The following ERBB4 variants were observed in gnomAD, a reference collection of about 807,000 sequenced individuals.
ERBB4 encodes the protein receptor tyrosine-protein kinase erbB-4.
ERBB4 carries 42 observed loss-of-function variants against 158.0 expected under a neutral mutation model. The observed-to-expected ratio is 0.27, with a 90% CI of 0.21 to 0.34. ERBB4 has a LOEUF of 0.34. Among genes scored for constraint, ERBB4 ranks in the 10% least tolerant of loss-of-function variants. ERBB4 has a pLI of 1.00. For missense variants in ERBB4, 1,333 were observed against 1,624.1 expected (o/e 0.82, Z 3.08); for synonymous variants, 583 against 558.7 (o/e 1.04, Z -0.61).
chr2:211,421,914 G>T, intron 24 of ERBB4, 93 bp downstream of exon 24: 1 of 799,614 alleles, frequency 1.3e-6, no homozygotes, highest in Non-Finnish European at 2.2e-6. Flanking sequence ...CATGTTTGTG[G>T]TCCTTTCCAC....
In ERBB4 at chr2:212,105,971, C is replaced by T. The variant is rs139737091; in HGVS notation, c.234+18781G>A. Among the ~76,000 whole-genome samples, 1,068 of 152,318 alleles carry T rather than the reference C, an allele frequency of 7.0e-3. 6 individuals are homozygous for T. The highest frequency in any genetic ancestry group is 0.027 in the Middle Eastern group (8 of 294). On this transcript the variant is annotated intron_variant, in intron 2 of 27. Coordinates refer to ENST00000342788, the MANE Select transcript of ERBB4 (RefSeq NM_005235.3). The stretch of plus-strand genomic sequence containing the variant: ...TTTGCTTTCCAACATGATTGTAAAG[C>T]CTCCCCAGCCACATGGAACTGTGAG...
chr2:212,387,328 A>G (rs2090708788), intron 1 of ERBB4, among the ~76,000 whole-genome samples: 1 of 152,202 alleles, frequency 6.6e-6, no homozygotes. Context: ...AAAAAGCAAG[A>G]ATGCATACAG....
intron 2 of ERBB4, among the ~76,000 whole-genome samples, chr2:212,011,385 A>T (rs1051482139): frequency 6.6e-6 from 1 of 152,120 alleles, no homozygotes; most frequent in Non-Finnish European, 1.5e-5. Flanking sequence ...GACAGTGCAG[A>T]TATAGAACAT....
At chr2:212,229,446 T>G (rs1214720850) in intron 1 of ERBB4, among the ~76,000 whole-genome samples, 1 of 152,172 alleles carries the variant, frequency 6.6e-6, no homozygotes, top group Admixed American at 6.6e-5. Flanking sequence ...CCATAGCCTG[T>G]TCCATTTGAA....
chr2:211,928,598 C>G (rs1395012437), intron 3 of ERBB4, among the ~76,000 whole-genome samples: 4 of 152,152 alleles, frequency 2.6e-5, no homozygotes, highest in Non-Finnish European at 4.4e-5. Context: ...ATCGGGCCTT[C>G]AAGATACATT....
intron 2 of ERBB4, among the ~76,000 whole-genome samples, chr2:212,115,616 C>A (rs2079549071): frequency 6.6e-6 from 1 of 152,064 alleles, no homozygotes; most frequent in South Asian, 2.1e-4. Flanking sequence ...CAAAGTATAT[C>A]AAAGAATCAT....
At chr2:212,278,896 C>T (rs539705355) in intron 1 of ERBB4, among the ~76,000 whole-genome samples, 25 of 151,698 alleles carry the variant, frequency 1.6e-4, no homozygotes, top group African/African-American at 5.5e-4. Context: ...ATTTGATTAG[C>T]TCTATTTTGG....
At chr2:212,303,825 T>C (rs1559968890) in intron 1 of ERBB4, among the ~76,000 whole-genome samples, 1 of 151,506 alleles carries the variant, frequency 6.6e-6, no homozygotes, top group South Asian at 2.1e-4. Context: ...TAGCTGATCT[T>C]ATAAATATTT....
intron 1 of ERBB4, among the ~76,000 whole-genome samples, chr2:212,382,584 T>A (rs531562395): frequency 3.0e-4 from 46 of 151,092 alleles, no homozygotes; most frequent in African/African-American, 1.1e-3. Flanking sequence ...AATTTCTGAA[T>A]CTTTCCTCAG....
intron 19 of ERBB4, among the ~76,000 whole-genome samples, chr2:211,566,003 C>G (rs1228959917): frequency 1.3e-5 from 2 of 152,216 alleles, no homozygotes; most frequent in Admixed American, 6.5e-5. Flanking sequence ...AGACCAGTTT[C>G]TATGCTTTCT....
intron 1 of ERBB4, among the ~76,000 whole-genome samples, chr2:212,345,470 A>T (rs2088951917): frequency 6.6e-6 from 1 of 152,052 alleles, no homozygotes; most frequent in South Asian, 2.1e-4. Flanking sequence ...ACTAGCTCAG[A>T]TACATAGCTC....
intron 20 of ERBB4, among the ~76,000 whole-genome samples, chr2:211,513,696 A>G (rs1004094512): frequency 5.9e-5 from 9 of 152,230 alleles, no homozygotes; most frequent in African/African-American, 2.2e-4. Context: ...TGCTAGAGTA[A>G]TAGGTCTTTG....
chr2:212,447,249 G>A (rs76453247), intron 1 of ERBB4, among the ~76,000 whole-genome samples: 3,171 of 151,890 alleles, frequency 0.021, 96 homozygotes, highest in South Asian at 0.05. Flanking sequence ...CGTGCACCTC[G>A]GTCTCCCAAA....
intron 1 of ERBB4, among the ~76,000 whole-genome samples, chr2:212,461,651 T>C (rs1241862152): frequency 6.6e-6 from 1 of 152,102 alleles, no homozygotes; most frequent in African/African-American, 2.4e-5. Context: ...TTTGGGGGAC[T>C]GTTGGGGAGG....
intron 25 of ERBB4, among the ~76,000 whole-genome samples, chr2:211,405,532 G>A (rs879389478): frequency 3.9e-5 from 6 of 152,102 alleles, no homozygotes; most frequent in East Asian, 3.9e-4. Context: ...TGGCTCACTC[G>A]TCTCTAATAT....
At chr2:212,394,992 T>TAATATG (rs2090982289) in intron 1 of ERBB4, among the ~76,000 whole-genome samples, 3 of 152,126 alleles carry the variant, frequency 2.0e-5, no homozygotes, top group Admixed American at 6.6e-5. Flanking sequence ...TCAATAAGCA[T>TAATATG]AATATGAATA....
chr2:212,214,146 A>G (rs1177556396), intron 1 of ERBB4, among the ~76,000 whole-genome samples: 1 of 151,814 alleles, frequency 6.6e-6, no homozygotes, highest in African/African-American at 2.4e-5. Context: ...TCAAATTAAC[A>G]CAGAATTTTT....
intron 1 of ERBB4, among the ~76,000 whole-genome samples, chr2:212,432,461 G>A (rs190507143): frequency 4.3e-4 from 66 of 152,146 alleles, no homozygotes; most frequent in African/African-American, 1.1e-3. Flanking sequence ...ATCAGTTTAT[G>A]TCTAAAACTT....
chr2:211,822,230 T>C (rs1410438435), intron 3 of ERBB4, among the ~76,000 whole-genome samples: 1 of 151,948 alleles, frequency 6.6e-6, no homozygotes, highest in Non-Finnish European at 1.5e-5. Context: ...TCTACTGTTC[T>C]ACAGCACTGT....
Sources: allele counts gnomAD v4.1 joint callset (sites outside exome capture counted in the v4.1 genomes callset), GRCh38; gene constraint gnomAD v4.1.1; transcripts MANE v1.5; gene names NCBI Gene and HGNC (gene_info 2026-07-23, HGNC 2026-07-21).